Variants in GASK1A observed in about 807,000 individuals in gnomAD.
GASK1A encodes the protein Golgi-associated kinase 1A.
GASK1A carries 40 observed loss-of-function variants against 41.2 expected under a neutral mutation model. The observed-to-expected ratio is 0.97, with a 90% confidence interval of 0.75 to 1.27. GASK1A has a LOEUF of 1.27. Among genes scored for constraint, GASK1A ranks in the 50% most tolerant of loss-of-function variants. The pLI is 0.00. For synonymous variants in GASK1A, 316 were observed against 307.1 expected (o/e 1.03, Z -0.30); for missense variants, 678 against 745.1 (o/e 0.91, Z 1.05).
rs141809591 is a variant in GASK1A at position 43,047,533 on chromosome 3, C to T, written c.1291-5988C>T. On this transcript the variant is annotated intron_variant, in intron 2 of 4. Transcript: ENST00000430121. ...ATGGGTTCAAGGATCAGTGCATTAA[C>T]GTCTTCCACTGATTGCTGTTGGTCC... Among the ~76,000 whole-genome samples the T allele has an allele frequency of 2.9e-3, 439 of 152,284 alleles. 4 individuals are homozygous for T. Among genetic ancestry groups the T allele is most frequent in the African/African-American group, 0.01 (416 of 41,574 alleles).
intron 1 of GASK1A, among the ~76,000 whole-genome samples, chr3:42,996,054 G>C (rs2089367523): frequency 6.6e-6 from 1 of 152,134 alleles, no homozygotes; most frequent in African/African-American, 2.4e-5. Context: ...GGGCTCCTGG[G>C]GCTAGCAGGG....
At chr3:43,001,884 C>A (rs747568733) in intron 1 of GASK1A, among the ~76,000 whole-genome samples, 1 of 152,136 alleles carries the variant, frequency 6.6e-6, no homozygotes, top group Non-Finnish European at 1.5e-5. Context: ...GGGGTCTGAC[C>A]GGGCTGCCTG....
chr3:43,008,624 G>T (rs142715916), intron 1 of GASK1A, among the ~76,000 whole-genome samples: 2 of 152,350 alleles, frequency 1.3e-5, no homozygotes, highest in Non-Finnish European at 2.9e-5. Flanking sequence ...GGTATTTTGT[G>T]TCTGAGCCCT....
At chr3:43,000,536 A>C (rs1375161066) in intron 1 of GASK1A, among the ~76,000 whole-genome samples, 1 of 152,230 alleles carries the variant, frequency 6.6e-6, no homozygotes, top group Non-Finnish European at 1.5e-5. Flanking sequence ...CCATGCCTAC[A>C]AGACCATGCA....
At chr3:43,010,394 C>T (rs1317212362) in intron 1 of GASK1A, among the ~76,000 whole-genome samples, 1 of 152,168 alleles carries the variant, frequency 6.6e-6, no homozygotes, top group Non-Finnish European at 1.5e-5. Flanking sequence ...TTCTCAAATC[C>T]CCGAATTTGA....
intron 2 of GASK1A, among the ~76,000 whole-genome samples, chr3:43,051,852 A>C (rs892205248): frequency 6.6e-6 from 1 of 152,178 alleles, no homozygotes. Flanking sequence ...TGCTCCCTTC[A>C]TACTGAGTTT....
At chr3:43,047,998 G>A (rs537396) in intron 2 of GASK1A, among the ~76,000 whole-genome samples, 111,545 of 152,106 alleles carry the variant, frequency 0.73, 42,346 homozygotes, top group East Asian at 0.86. Flanking sequence ...GGGAAGGAAA[G>A]GCAAATGAAT....
chr3:43,048,418 G>C (rs2089673907), intron 2 of GASK1A, among the ~76,000 whole-genome samples: 1 of 152,138 alleles, frequency 6.6e-6, no homozygotes, highest in East Asian at 1.9e-4. Context: ...TCCCCAAAAA[G>C]GGACTCTGAG....
chr3:42,981,930 A>AT (rs1366912723), intron 1 of GASK1A, among the ~76,000 whole-genome samples: 1 of 152,214 alleles, frequency 6.6e-6, no homozygotes, highest in Non-Finnish European at 1.5e-5. Context: ...GCTTGTTTGA[A>AT]TACGGTATCC....
At chr3:43,030,456 C>T (rs568517923) in intron 1 of GASK1A, among the ~76,000 whole-genome samples, 5 of 152,300 alleles carry the variant, frequency 3.3e-5, no homozygotes, top group African/African-American at 1.2e-4. Context: ...TCCCGAAGAG[C>T]CCCAGGCGGT....
intron 1 of GASK1A, among the ~76,000 whole-genome samples, chr3:43,004,990 C>T (rs938423879): frequency 4.6e-5 from 7 of 152,184 alleles, no homozygotes; most frequent in African/African-American, 1.7e-4. Context: ...TTAGAGGCCA[C>T]CTGCATTCCT....
At chr3:42,993,971 T>C (rs576948940) in intron 1 of GASK1A, among the ~76,000 whole-genome samples, 1 of 152,308 alleles carries the variant, frequency 6.6e-6, no homozygotes, top group African/African-American at 2.4e-5. Flanking sequence ...AGACCCATTT[T>C]AGAGATCCAT....
chr3:43,040,242 A>C (rs1559406437), intron 2 of GASK1A, among the ~76,000 whole-genome samples: 1 of 149,786 alleles, frequency 6.7e-6, no homozygotes, highest in Non-Finnish European at 1.5e-5. Context: ...TTGTTGAATA[A>C]TCAATCTTTC....
chr3:43,025,113 C>T (rs1252561442), intron 1 of GASK1A, among the ~76,000 whole-genome samples: 1 of 152,138 alleles, frequency 6.6e-6, no homozygotes, highest in Non-Finnish European at 1.5e-5. Flanking sequence ...TAGGTGTTCT[C>T]TAAGGAGACT....
intron 1 of GASK1A, among the ~76,000 whole-genome samples, chr3:43,006,314 TC>T (rs1203816699): frequency 7.2e-5 from 11 of 152,216 alleles, no homozygotes; most frequent in African/African-American, 2.4e-4. Context: ...TCCCATGTCT[TC>T]CTCTTTCTTG....
intron 1 of GASK1A, among the ~76,000 whole-genome samples, chr3:43,025,957 C>T (rs748635385): frequency 7.9e-5 from 12 of 152,124 alleles, no homozygotes; most frequent in East Asian, 3.8e-4. Flanking sequence ...TTGGGAACAG[C>T]GTAAGAAGCA....
rs368823608 is a variant in GASK1A, at chr3:43,019,646, A to G, written c.4-12621A>G. 4.6e-5 allele frequency among the ~76,000 whole-genome samples: 7 copies of G among 152,244 alleles called. No individual in the cohort carries two copies. In the East Asian group the frequency reaches 1.4e-3, roughly 29 times the overall value. On this transcript the variant is annotated intron_variant, in intron 1 of 4. Coordinates refer to ENST00000430121, the MANE Select transcript of GASK1A (RefSeq NM_001129908.3). ...AGTTTAACTCAGAGCCTAAGTAGTG[A>G]TGAATCAGGCAGGGTGGCTGTTTAG...
At chr3:42,990,416 G>A (rs996251179) in intron 1 of GASK1A, among the ~76,000 whole-genome samples, 1 of 151,754 alleles carries the variant, frequency 6.6e-6, no homozygotes, top group African/African-American at 2.4e-5. Flanking sequence ...GCTTCTCAGA[G>A]TGCTGCTCTC....
intron 1 of GASK1A, among the ~76,000 whole-genome samples, chr3:43,024,927 CAG>C (rs1462685855): frequency 2.6e-5 from 4 of 152,108 alleles, no homozygotes; most frequent in African/African-American, 7.2e-5. Context: ...TGAGGAGTCT[CAG>C]GGGAAGGCTT....
Sources: allele counts gnomAD v4.1 joint callset (sites outside exome capture counted in the v4.1 genomes callset), GRCh38; gene constraint gnomAD v4.1.1; transcripts MANE v1.5; gene names NCBI Gene and HGNC (gene_info 2026-07-23, HGNC 2026-07-21).